Variants in ADK observed in about 807,000 individuals in gnomAD.
The protein encoded by ADK is adenosine kinase.
A neutral mutation model predicts 44.7 loss-of-function variants in ADK; 24 were observed. The observed-to-expected ratio is 0.54, with a 90% confidence interval of 0.39 to 0.76. The LOEUF (loss-of-function observed/expected upper bound fraction) is 0.76. Ranked by LOEUF, ADK falls within the 30% of genes least tolerant of loss-of-function variation. The probability of loss-of-function intolerance (pLI) is 0.00; values close to 1 mark genes in which losing one functional copy is unlikely to be tolerated. For synonymous variants in ADK, 128 were observed against 142.6 expected (o/e 0.90, Z 0.73); for missense variants, 321 against 425.1 (o/e 0.76, Z 2.15).
rs190886464 is a variant in ADK, at chr10:74,477,820, G to T, written c.556-47436G>T. On this transcript the variant is annotated intron_variant, in intron 6 of 10. Transcript: ENST00000539909. ...CAAATTTTTGATCTTATTCATAACA[G>T]TTAAAAGGCAATAAACAGAATCAAT... 2.7e-3 allele frequency among the ~76,000 whole-genome samples: 410 copies of T among 152,200 alleles called. 1 individual carries two copies. The highest frequency in any genetic ancestry group is 0.015 in the South Asian group (72 of 4,816).
chr10:74,236,573 A>G (rs2132284767), intron 3 of ADK, among the ~76,000 whole-genome samples: 1 of 152,318 alleles, frequency 6.6e-6, no homozygotes, highest in Non-Finnish European at 1.5e-5. Flanking sequence ...TAATTGCTTT[A>G]AAGGATAGGC....
intron 6 of ADK, among the ~76,000 whole-genome samples, chr10:74,492,402 G>T (rs576102400): frequency 9.9e-4 from 150 of 152,132 alleles, no homozygotes; most frequent in African/African-American, 3.4e-3. Context: ...AAGAGTTCGA[G>T]TCTGACCTGG....
intron 6 of ADK, among the ~76,000 whole-genome samples, chr10:74,405,686 T>G (rs889116434): frequency 3.3e-5 from 5 of 152,016 alleles, no homozygotes; most frequent in Non-Finnish European, 5.9e-5. Context: ...GTGCAACAGT[T>G]TCATCCTGAA....
chr10:74,233,209 A>C (rs1844842992), intron 3 of ADK, among the ~76,000 whole-genome samples: 2 of 152,188 alleles, frequency 1.3e-5, no homozygotes, highest in Non-Finnish European at 2.9e-5. Context: ...TTCAATCATG[A>C]GAAAAACTGG....
At chr10:74,339,764 A>G (rs1020451331) in intron 4 of ADK, among the ~76,000 whole-genome samples, 1 of 152,250 alleles carries the variant, frequency 6.6e-6, no homozygotes, top group Admixed American at 6.5e-5. Flanking sequence ...TTCTAGTGAT[A>G]TTTAACAGAG....
At chr10:74,705,504 C>T (rs1235796751) in intron 10 of ADK, among the ~76,000 whole-genome samples, 1 of 152,234 alleles carries the variant, frequency 6.6e-6, no homozygotes, top group Non-Finnish European at 1.5e-5. Context: ...ATATCCACTG[C>T]TCCCATGGCC....
rs564949714 is a variant in ADK at position 74,271,401 on chromosome 10, T to C, written c.195-43266T>C. ...TTCAGGTATATATATATTTTTGTTG[T>C]TGTTGTTGTTTTTTCTTATTATTAT... On this transcript the variant is annotated intron_variant, in intron 3 of 10. Transcript: ENST00000539909. 4.5e-4 allele frequency among the ~76,000 whole-genome samples: 69 copies of C among 152,150 alleles called. No homozygotes were observed. The South Asian group carries it at 7.9e-3, about 17-fold the overall frequency.
intron 9 of ADK, among the ~76,000 whole-genome samples, chr10:74,660,729 C>CAA (rs747443907): frequency 0.08 from 7,450 of 92,574 alleles, 1,205 homozygotes; most frequent in African/African-American, 0.3. Context: ...GACCCTGTCT[C>CAA]AAAAAAAAAA....
At chr10:74,478,844 G>C (rs1846956404) in intron 6 of ADK, among the ~76,000 whole-genome samples, 1 of 152,122 alleles carries the variant, frequency 6.6e-6, no homozygotes, top group Admixed American at 6.6e-5. Context: ...ACTTTGATGG[G>C]TTTGATTGCT....
At chr10:74,351,648 T>C (rs1841967472) in intron 4 of ADK, among the ~76,000 whole-genome samples, 1 of 152,186 alleles carries the variant, frequency 6.6e-6, no homozygotes, top group Non-Finnish European at 1.5e-5. Context: ...GCAGATGACA[T>C]GATTGTATAT....
chr10:74,484,225 AG>A (rs1847187185), intron 6 of ADK, among the ~76,000 whole-genome samples: 1 of 152,176 alleles, frequency 6.6e-6, no homozygotes, highest in Non-Finnish European at 1.5e-5. Flanking sequence ...AAGGGGAAGC[AG>A]GCACATCTTA....
At chr10:74,492,612 C>T (rs1473467075) in intron 6 of ADK, among the ~76,000 whole-genome samples, 1 of 152,100 alleles carries the variant, frequency 6.6e-6, no homozygotes, top group Non-Finnish European at 1.5e-5. Flanking sequence ...CATGATTGGG[C>T]AATGAATGAT....
chr10:74,216,128 G>C (rs1430339306), intron 2 of ADK, among the ~76,000 whole-genome samples: 1 of 151,974 alleles, frequency 6.6e-6, no homozygotes, highest in African/African-American at 2.4e-5. Flanking sequence ...ATTCTTATAT[G>C]ATGTATTTTA....
intron 8 of ADK, 83 bp from the exon 9 acceptor site, chr10:74,600,296 T>C (rs1418161819): frequency 2.4e-6 from 2 of 848,978 alleles, no homozygotes; most frequent in African/African-American, 1.7e-5. Flanking sequence ...TTTTGATCAA[T>C]AGAAGCTAAA....
intron 6 of ADK, among the ~76,000 whole-genome samples, chr10:74,443,728 G>C (rs929608162): frequency 7.9e-5 from 12 of 152,042 alleles, no homozygotes; most frequent in Admixed American, 7.9e-4. Flanking sequence ...TTAAAAAATA[G>C]ATGGTATTAA....
At chr10:74,580,576 A>T (rs1187665509) in intron 7 of ADK, among the ~76,000 whole-genome samples, 27 of 80,972 alleles carry the variant, frequency 3.3e-4, no homozygotes. Context: ...ACTCCATCTA[A>T]AAAAAAAAAA....
intron 1 of ADK, among the ~76,000 whole-genome samples, chr10:74,193,542 A>T (rs1308364134): frequency 6.6e-6 from 1 of 152,116 alleles, no homozygotes; most frequent in Non-Finnish European, 1.5e-5. Flanking sequence ...CCTAGAACCT[A>T]GGGAGGCTGA....
At chr10:74,410,081 T>C (rs886097896) in intron 6 of ADK, among the ~76,000 whole-genome samples, 1 of 152,176 alleles carries the variant, frequency 6.6e-6, no homozygotes, top group African/African-American at 2.4e-5. Context: ...GTGTCAGTAA[T>C]GTGGTTTGTG....
intron 3 of ADK, among the ~76,000 whole-genome samples, chr10:74,285,485 TAA>T (rs1304345658): frequency 6.6e-6 from 1 of 152,200 alleles, no homozygotes; most frequent in Non-Finnish European, 1.5e-5. Context: ...GGTTTAGATA[TAA>T]AGACATTAAA....
Sources: gnomAD v4.1 joint callset for allele counts (sites outside exome capture counted in the v4.1 genomes callset) on GRCh38, gnomAD v4.1.1 for gene constraint, MANE v1.5 for transcripts, NCBI Gene and HGNC (gene_info 2026-07-23, HGNC 2026-07-21) for gene names.